Variants in BCHE observed in about 807,000 individuals in gnomAD.
The protein encoded by BCHE is cholinesterase.
A neutral mutation model predicts 51.3 loss-of-function variants in BCHE; 48 were observed. That is an observed-to-expected ratio of 0.94 (90% confidence interval 0.74 to 1.19). BCHE has a LOEUF of 1.19. Among genes scored for constraint, BCHE ranks in the 50% most tolerant of loss-of-function variants. The pLI is 0.00. For synonymous variants in BCHE, 251 were observed against 238.0 expected, an observed-to-expected ratio of 1.05 and a Z score of -0.50; for missense variants, 847 against 708.2, an observed-to-expected ratio of 1.20 and a Z score of -2.23.
intron 2 of BCHE, among the ~76,000 whole-genome samples, chr3:165,811,690 C>T (rs984917257): frequency 1.2e-4 from 18 of 151,862 alleles, no homozygotes; most frequent in African/African-American, 3.4e-4. Context: ...AATAATATTT[C>T]CTGAGCAAGA....
intron 3 of BCHE, among the ~76,000 whole-genome samples, chr3:165,775,196 A>G (rs971453897): frequency 1.3e-5 from 2 of 152,094 alleles, no homozygotes; most frequent in African/African-American, 4.8e-5. Flanking sequence ...TACAAAAATA[A>G]AAATATTTAA....
At chr3:165,778,759 G>A (rs1473248762) in intron 3 of BCHE, 1 of 420,802 alleles carries the variant, frequency 2.4e-6, no homozygotes, top group East Asian at 7.2e-5. Flanking sequence ...TATCAAATTA[G>A]TTGACAAAAA....
intron 2 of BCHE, among the ~76,000 whole-genome samples, chr3:165,791,427 A>C (rs1713160244): frequency 6.6e-6 from 1 of 152,178 alleles, no homozygotes; most frequent in African/African-American, 2.4e-5. Flanking sequence ...TTTAGGTGAG[A>C]AGTGTTGGTT....
chr3:165,806,206 A>G (rs1156450222), intron 2 of BCHE, among the ~76,000 whole-genome samples: 1 of 152,140 alleles, frequency 6.6e-6, no homozygotes, highest in Non-Finnish European at 1.5e-5. Context: ...ACAAATGTAC[A>G]GTCTGGTTTC....
chr3:165,834,992 T>A (rs1257925327), intron 1 of BCHE, among the ~76,000 whole-genome samples: 1 of 151,874 alleles, frequency 6.6e-6, no homozygotes, highest in East Asian at 1.9e-4. Flanking sequence ...AATTTGCTTA[T>A]CAAAATAGTA....
chr3:165,819,624 G>A (rs1298178652), intron 2 of BCHE, among the ~76,000 whole-genome samples: 1 of 151,932 alleles, frequency 6.6e-6, no homozygotes, highest in African/African-American at 2.4e-5. Flanking sequence ...TTTATTTTAA[G>A]GCTCTATCTG....
chr3:165,795,283 G>A (rs1291925158), intron 2 of BCHE, among the ~76,000 whole-genome samples: 1 of 152,030 alleles, frequency 6.6e-6, no homozygotes, highest in Non-Finnish European at 1.5e-5. Flanking sequence ...TTATATAGAC[G>A]ACTTTCTCTT....
chr3:165,831,043 TGAAA>T lies in BCHE; in HGVS notation c.-8-6_-8-3del, dbSNP rs886058157. On this transcript the variant is annotated splice_polypyrimidine_tract_variant and splice_region_variant and intron_variant, in intron 1 of 3. Transcript: ENST00000264381. The stretch of plus-strand genomic sequence containing the variant: ...TGACTTTGCTATGCATATTGATTTC[TGAAA>T]GAGAGGTAAGTATAATGTTTTATAA... 3.3e-5 allele frequency: 53 copies of T among 1,605,496 alleles called. No individual in the cohort carries two copies. Among genetic ancestry groups the T allele is most frequent in the Non-Finnish European group, 4.3e-5 (51 of 1,176,156 alleles).
chr3:165,831,081 C>A, intron 1 of BCHE, 40 bp from the exon 2 acceptor site: 6 of 1,477,356 alleles, frequency 4.1e-6, no homozygotes, highest in South Asian at 3.5e-5. Flanking sequence ...AAGCCTTCTG[C>A]ATATAGCATA....
chr3:165,827,304 C>A (rs1398339373), intron 2 of BCHE, among the ~76,000 whole-genome samples: 1 of 151,924 alleles, frequency 6.6e-6, no homozygotes, highest in African/African-American at 2.4e-5. Flanking sequence ...AAAATAACAT[C>A]TTGTTATTGC....
intron 3 of BCHE, among the ~76,000 whole-genome samples, chr3:165,782,050 G>A (rs187913692): frequency 4.7e-4 from 71 of 152,038 alleles, no homozygotes; most frequent in African/African-American, 1.6e-3. Context: ...AATTTTCAAA[G>A]CATATTAATA....
At chr3:165,804,512 G>C (rs1713798255) in intron 2 of BCHE, among the ~76,000 whole-genome samples, 1 of 152,168 alleles carries the variant, frequency 6.6e-6, no homozygotes, top group Non-Finnish European at 1.5e-5. Flanking sequence ...CCACTGGCAA[G>C]TCTAGATGGG....
intron 2 of BCHE, among the ~76,000 whole-genome samples, chr3:165,804,338 C>T (rs1371416363): frequency 1.3e-5 from 2 of 151,824 alleles, no homozygotes; most frequent in African/African-American, 4.8e-5. Flanking sequence ...GGGAAAGTAG[C>T]TATTAAACAA....
chr3:165,779,752 A>G (rs996064572), intron 3 of BCHE, among the ~76,000 whole-genome samples: 1 of 152,170 alleles, frequency 6.6e-6, no homozygotes, highest in Admixed American at 6.6e-5. Context: ...CCATTGCTCA[A>G]TGAACTAAGA....
rs978722708 is a variant in BCHE at position 165,815,311 on chromosome 3, C to T, written c.1517+14206G>A. Among the ~76,000 whole-genome samples the T allele has an allele frequency of 3.3e-5, 5 of 150,906 alleles. 1 individual carries two copies. Among genetic ancestry groups the T allele is most frequent in the South Asian group, 2.1e-4 (1 of 4,806 alleles). The stretch of plus-strand genomic sequence containing the variant: ...TTGCTCTTTTCCTTCCCTAGTGGTA[C>T]GCAAAAATTCTAATAGAGAGGGAGC... On this transcript the variant is annotated intron_variant, in intron 2 of 3. Transcript: ENST00000264381.
Position 165,809,918 on chromosome 3 carries a change from A to T in BCHE, c.1517+19599T>A, listed in dbSNP as rs1560014713. On this transcript the variant is annotated intron_variant, in intron 2 of 3. Transcript: ENST00000264381. ...ATCATACTAAGAATTATTTTATCAC[A>T]GCTTATGGGAAAATGCTCCTATTTC... Among the ~76,000 whole-genome samples the T allele has an allele frequency of 4.6e-5, 7 of 152,166 alleles. No individual in the cohort carries two copies. The South Asian group carries it at 1.4e-3, about 31-fold the overall frequency.
intron 3 of BCHE, among the ~76,000 whole-genome samples, chr3:165,781,101 C>T (rs1222868671): frequency 2.6e-5 from 4 of 151,858 alleles, no homozygotes; most frequent in Admixed American, 6.6e-5. Context: ...ATTAGCCAGG[C>T]GTGGTGGCAT....
chr3:165,832,098 C>G (rs1034102172), intron 1 of BCHE, among the ~76,000 whole-genome samples: 1 of 151,836 alleles, frequency 6.6e-6, no homozygotes, highest in Non-Finnish European at 1.5e-5. Flanking sequence ...TCTTTGTGAC[C>G]TACAAAATCA....
chr3:165,791,578 C>G (rs1258233990), intron 2 of BCHE, among the ~76,000 whole-genome samples: 1 of 152,016 alleles, frequency 6.6e-6, no homozygotes, highest in Non-Finnish European at 1.5e-5. Flanking sequence ...AAGATTCTGG[C>G]CTGAGAAACT....
Sources: allele counts gnomAD v4.1 joint callset (sites outside exome capture counted in the v4.1 genomes callset), GRCh38; gene constraint gnomAD v4.1.1; transcripts MANE v1.5; gene names NCBI Gene and HGNC (gene_info 2026-07-23, HGNC 2026-07-21).